SRGAP3: variants seen among roughly 807,000 people sequenced by gnomAD.
SRGAP3 encodes the protein SLIT-ROBO Rho GTPase-activating protein 3.
SRGAP3 carries 39 observed loss-of-function variants against 121.1 expected under a neutral mutation model. The ratio of observed to expected loss-of-function variants is 0.32; its 90% CI spans 0.25 to 0.42. SRGAP3 has a LOEUF of 0.42. SRGAP3 is among the 10% of genes least tolerant of loss of function. SRGAP3 has a pLI of 1.00. For missense variants in SRGAP3, 1,213 were observed against 1,470.6 expected, an observed-to-expected ratio of 0.82 and a Z score of 2.86; for synonymous variants, 601 against 570.0, an observed-to-expected ratio of 1.05 and a Z score of -0.77.
intron 18 of SRGAP3, among the ~76,000 whole-genome samples, chr3:9,005,281 T>C (rs1943006075): frequency 6.6e-6 from 1 of 152,136 alleles, no homozygotes; most frequent in Admixed American, 6.5e-5. Context: ...TAGTAACAAG[T>C]GCTAGCAAGG....
At chr3:9,123,409 TAC>T (rs147991992) in intron 2 of SRGAP3, among the ~76,000 whole-genome samples, 190 of 22,800 alleles carry the variant, frequency 8.3e-3, no homozygotes, top group Non-Finnish European at 0.017. Flanking sequence ...TACACATACA[TAC>T]ACATACATGG....
chr3:9,101,144 A>G (rs1948199936), intron 3 of SRGAP3, among the ~76,000 whole-genome samples: 1 of 152,240 alleles, frequency 6.6e-6, no homozygotes, highest in Non-Finnish European at 1.5e-5. Flanking sequence ...ACATGGAATG[A>G]GCTATCCTGA....
At chr3:9,013,951 C>T in intron 15 of SRGAP3, 109 bp from the exon 16 acceptor site, 1 of 968,476 alleles carries the variant, frequency 1.0e-6, no homozygotes, top group South Asian at 1.4e-5. Context: ...GGGGAGCCAG[C>T]TCTACTCTTG....
intron 11 of SRGAP3, chr3:9,034,246 A>T (rs1411156716): frequency 6.6e-6 from 1 of 152,196 alleles, no homozygotes; most frequent in Non-Finnish European, 1.5e-5. Flanking sequence ...TAACCAAGAG[A>T]GGCAGTTCAT....
intron 1 of SRGAP3, among the ~76,000 whole-genome samples, chr3:9,174,304 T>C (rs570131948): frequency 1.1e-4 from 17 of 152,380 alleles, no homozygotes; most frequent in Non-Finnish European, 1.8e-4. Context: ...CTAATGCCAC[T>C]GAACTGTACG....
At chr3:9,128,327 G>A (rs1949317635) in intron 1 of SRGAP3, among the ~76,000 whole-genome samples, 1 of 152,216 alleles carries the variant, frequency 6.6e-6, no homozygotes, top group Non-Finnish European at 1.5e-5. Context: ...ATAAAAGGAA[G>A]ATCCTTAGAG....
chr3:9,210,047 A>AC (rs1491463692), intron 1 of SRGAP3, among the ~76,000 whole-genome samples: 125 of 99,500 alleles, frequency 1.3e-3, no homozygotes, highest in Non-Finnish European at 1.6e-3. Flanking sequence ...CTAGACACAC[A>AC]AAAAAAAAAA....
intron 14 of SRGAP3, among the ~76,000 whole-genome samples, chr3:9,024,233 T>G (rs1944073367): frequency 6.6e-6 from 1 of 152,124 alleles, no homozygotes; most frequent in Non-Finnish European, 1.5e-5. Context: ...AAATCAGAGT[T>G]GAGAAGGCAT....
intron 3 of SRGAP3, among the ~76,000 whole-genome samples, chr3:9,293,918 G>A (rs910667444): frequency 6.6e-6 from 1 of 152,196 alleles, no homozygotes; most frequent in South Asian, 2.1e-4. Flanking sequence ...GTAGAAGACA[G>A]TGTAGCAATT....
At chr3:9,334,128 T>G (rs1438801248) in intron 1 of SRGAP3, among the ~76,000 whole-genome samples, 1 of 152,046 alleles carries the variant, frequency 6.6e-6, no homozygotes, top group Admixed American at 6.6e-5. Context: ...AGAGTCAAAC[T>G]AGAATGTGTG....
intron 1 of SRGAP3, among the ~76,000 whole-genome samples, chr3:9,128,374 C>T (rs1949318811): frequency 1.3e-5 from 2 of 152,108 alleles, no homozygotes; most frequent in African/African-American, 4.8e-5. Flanking sequence ...TTTCAGCTTA[C>T]ATAAGTAGAG....
intron 1 of SRGAP3, among the ~76,000 whole-genome samples, chr3:9,207,000 T>C (rs1313019264): frequency 6.6e-6 from 1 of 152,196 alleles, no homozygotes; most frequent in Non-Finnish European, 1.5e-5. Flanking sequence ...GCTGAATGAA[T>C]GACTCAATGG....
At chr3:9,312,934 G>A (rs563875868) in intron 3 of SRGAP3, among the ~76,000 whole-genome samples, 3 of 152,320 alleles carry the variant, frequency 2.0e-5, no homozygotes, top group East Asian at 3.8e-4. Context: ...CAAGGTTACA[G>A]TGAGCTATGT....
chr3:9,273,227 G>C (rs1425953786), intron 3 of SRGAP3, among the ~76,000 whole-genome samples: 3 of 152,148 alleles, frequency 2.0e-5, no homozygotes, highest in Non-Finnish European at 4.4e-5. Flanking sequence ...ATAGGAGGTG[G>C]AGCTTGGGTG....
At chr3:9,254,498 A>G (rs1954083305), upstream of SRGAP3, among the ~76,000 whole-genome samples, 1 of 152,222 alleles carries the variant, frequency 6.6e-6, no homozygotes, top group East Asian at 1.9e-4. Context: ...TTTGGTGATC[A>G]TTAAAATGTT....
At chr3:9,127,656 C>CT (rs1949289889) in intron 1 of SRGAP3, among the ~76,000 whole-genome samples, 2 of 152,108 alleles carry the variant, frequency 1.3e-5, no homozygotes, top group Non-Finnish European at 2.9e-5. Flanking sequence ...ATTATGTTGG[C>CT]CAGGATGGTC....
At chr3:9,086,207 C>T (rs993422066) in intron 3 of SRGAP3, among the ~76,000 whole-genome samples, 3 of 152,026 alleles carry the variant, frequency 2.0e-5, no homozygotes, top group African/African-American at 7.2e-5. Flanking sequence ...GCAACAGAGT[C>T]TGCCACAGAG....
At chr3:9,006,312 A>G (rs530203577) in intron 18 of SRGAP3, among the ~76,000 whole-genome samples, 37 of 151,760 alleles carry the variant, frequency 2.4e-4, no homozygotes, top group African/African-American at 9.0e-4. Flanking sequence ...AGGCAGGAGA[A>G]TCGCTTGAAC....
At chr3:9,024,016 G>T (rs185947416) in intron 14 of SRGAP3, among the ~76,000 whole-genome samples, 9 of 152,330 alleles carry the variant, frequency 5.9e-5, no homozygotes, top group African/African-American at 2.2e-4. Flanking sequence ...GAGAGGCAGA[G>T]AATTTGCTCA....
Sources: allele counts gnomAD v4.1 joint callset (sites outside exome capture counted in the v4.1 genomes callset), GRCh38; gene constraint gnomAD v4.1.1; transcripts MANE v1.5; gene names NCBI Gene and HGNC (gene_info 2026-07-23, HGNC 2026-07-21).